The following OBSL1 variants were observed in gnomAD, a reference collection of about 807,000 sequenced individuals.
The protein encoded by OBSL1 is obscurin like cytoskeletal adaptor 1, also known as obscurin-like protein 1.
In OBSL1, 160 loss-of-function variants were observed where a neutral mutation model predicts 172.0. The ratio of observed to expected loss-of-function variants is 0.93; its 90% CI spans 0.82 to 1.06. OBSL1 has a LOEUF of 1.06. OBSL1 is among the 50% of genes least tolerant of loss of function. The pLI, the probability that OBSL1 is intolerant of heterozygous loss-of-function variation, is 0.00. For missense variants in OBSL1, 2,681 were observed against 2,715.4 expected (o/e 0.99, Z 0.28); for synonymous variants, 1,200 against 1,196.3 (o/e 1.00, Z -0.06).
At chr2:219,552,441 C>T in intron 18 of OBSL1, 95 bp downstream of exon 18, 1 of 1,296,050 alleles carries the variant, frequency 7.7e-7, no homozygotes, top group Non-Finnish European at 1.0e-6. Flanking sequence ...CGGGGCCCGT[C>T]GGAGCCAGGG....
At chr2:219,556,328 G>A (rs758182048) in intron 13 of OBSL1, 36 bp from the exon 14 acceptor site, 2 of 1,568,974 alleles carry the variant, frequency 1.3e-6, no homozygotes, top group African/African-American at 2.7e-5. Context: ...AGTCTGGTGG[G>A]GTTGGAGGCT....
Position 219,567,974 on chromosome 2 carries a change from G to T in OBSL1, c.1283-5C>A, listed in dbSNP as rs1697040096. 6.2e-7 allele frequency: 1 copy of T among 1,613,192 alleles called. No individual in the cohort carries two copies. Among genetic ancestry groups the T allele is most frequent in the East Asian group, 2.2e-5 (1 of 44,868 alleles). On this transcript the variant is annotated splice_polypyrimidine_tract_variant and splice_region_variant and intron_variant, in intron 2 of 20. Transcript: ENST00000404537. The stretch of plus-strand genomic sequence containing the variant: ...GCAGGCGCTTCAGGATGGGCCCTGA[G>T]ATGCGGACAGGAATCCATCAACCTG...
chr2:219,556,767 T>C (rs2106028831), intron 12 of OBSL1, 44 bp from the exon 13 acceptor site: 1 of 1,526,038 alleles, frequency 6.6e-7, no homozygotes, highest in Non-Finnish European at 8.8e-7. Context: ...AGTCTTTTCT[T>C]CTCTCTCCTT....
intron 8 of OBSL1, chr2:219,559,762 A>C: frequency 4.2e-6 from 2 of 475,764 alleles, no homozygotes; most frequent in South Asian, 3.7e-5. Flanking sequence ...CTCCCCCTTC[A>C]TCGGTCACGT....
chr2:219,551,504 C>T, intron 20 of OBSL1, 25 bp downstream of exon 20: 6 of 1,552,004 alleles, frequency 3.9e-6, no homozygotes, highest in Non-Finnish European at 5.2e-6. Flanking sequence ...CACCCTCCTG[C>T]CGCTGCCCAG....
chr2:219,557,075 G>A (rs1403839551), intron 12 of OBSL1: 1 of 483,440 alleles, frequency 2.1e-6, no homozygotes, highest in African/African-American at 1.9e-5. Context: ...CTTGGCCAAT[G>A]TCACACAGCT....
At position 219,559,295 on chromosome 2, in the gene OBSL1, C is replaced by G. The variant is rs1252156672; in HGVS notation, c.3156G>C (p.Gln1052His). 1 of 1,613,814 alleles carries G rather than the reference C, an allele frequency of 6.2e-7. No homozygotes were observed. The highest frequency in any genetic ancestry group is 1.3e-5 in the African/African-American group (1 of 74,918). The change falls in exon 9 of 21, where the codon CAG becomes CAC. Residue 1052 changes from glutamine to histidine, a missense_variant. Around this residue, in one of 5 missense-constraint regions of OBSL1, gnomAD observed 1,765 missense variants for 1,748.3 expected, o/e 1.01. Transcript: ENST00000404537. Reference sequence around the variant, plus strand: ...ATACAAACTCGCCCCCGTCCTCGGGCTGAGCAGCAGGTAGCACCAGGCGGC... The same window carrying G: ...ATACAAACTCGCCCCCGTCCTCGGGGTGAGCAGCAGGTAGCACCAGGCGGC... ...PRCRLVLPAA[Q>H]PEDGGEFVCD... is the part of the protein sequence containing the mutation.
chr2:219,552,308 C>A, intron 18 of OBSL1, 92 bp from the exon 19 acceptor site: 1 of 1,237,268 alleles, frequency 8.1e-7, no homozygotes, highest in Non-Finnish European at 1.1e-6. Flanking sequence ...TGGGTCGGTT[C>A]GGACGCCGTT....
chr2:219,552,045 G>T, intron 19 of OBSL1, 67 bp downstream of exon 19: 2 of 1,452,962 alleles, frequency 1.4e-6, no homozygotes, highest in East Asian at 2.4e-5. Flanking sequence ...CCAGCCCCAA[G>T]TCCGTCAGTC....
chr2:219,552,736 G>A (rs1331097869), intron 17 of OBSL1, 39 bp from the exon 18 acceptor site: 17 of 1,514,202 alleles, frequency 1.1e-5, no homozygotes, highest in Middle Eastern at 1.8e-4. Flanking sequence ...GCGGGGCAGA[G>A]GGCAGTTACC....
downstream of OBSL1, chr2:219,550,109 G>T (rs1022048989): frequency 8.5e-6 from 4 of 472,596 alleles, no homozygotes; most frequent in Non-Finnish European, 1.5e-5. Flanking sequence ...TGAGTGTGTT[G>T]CCCGTGTGTC....
chr2:219,567,261 G>C lies in OBSL1; in HGVS notation c.1837+12C>G. 5.1e-6 allele frequency: 8 copies of C among 1,582,244 alleles called. No homozygotes were observed. Among genetic ancestry groups the C allele is most frequent in the Non-Finnish European group, 6.9e-6 (8 of 1,160,278 alleles). On this transcript the variant is annotated intron_variant, in intron 4 of 20. Transcript: ENST00000404537. The stretch of plus-strand genomic sequence containing the variant: ...GGAGAAGTGATGGGTGGGTCTGGCA[G>C]GACCAACTCACCAAGGTGAGCAGAA...
intron 7 of OBSL1, 35 bp from the exon 8 acceptor site, chr2:219,562,709 G>T: frequency 6.6e-7 from 1 of 1,519,346 alleles, no homozygotes. Flanking sequence ...CGGGCATGAG[G>T]GGTGTGCCCT....
rs1248364778 is a variant in OBSL1, at chr2:219,552,104, G to T, written c.5413+8C>A. The T allele has an allele frequency of 6.2e-7, 1 of 1,602,342 alleles. No individual in the cohort carries two copies. The highest frequency in any genetic ancestry group is 1.3e-5 in the African/African-American group (1 of 74,816). On this transcript the variant is annotated splice_region_variant and intron_variant, in intron 19 of 20. Transcript: ENST00000404537. ...ACACTCTCTGTCGCTCCCACCCCAG[G>T]TGCTTACCCTCCACTTCCAGTAGAG...
chr2:219,570,748 T>C lies in OBSL1; in HGVS notation c.485A>G (p.Glu162Gly), dbSNP rs1385390265. 4 of 1,503,886 alleles carry C rather than the reference T, an allele frequency of 2.7e-6. No homozygotes were observed. The African/African-American group carries it at 4.3e-5, about 16-fold the overall frequency. 93.2% of individuals were successfully genotyped at this position (1,503,886 alleles called of 1,614,324 possible). A position where few individuals can be genotyped will look rare whatever the true frequency, so the allele number is the denominator to read the frequency against. ...TTCGTCCAGGGCCATCCCGTCCTTC[T>C]CCCAGTACAGTGTGGGCTCGGGGAG... is the stretch of plus-strand genomic sequence containing the variant. ...GGLPEPTLYW[E>G]KDGMALDEVW... is the part of the protein sequence containing the mutation. The change falls in exon 1 of 21, where the codon GAG becomes GGG. Residue 162 changes from glutamate (E) to glycine (G), a missense_variant. Physicochemically the swap from Glu to Gly is moderately conservative, Grantham distance 98. This residue lies in a region of OBSL1 where 706 missense variants were observed against 695.8 expected (regional missense o/e 1.01). Coordinates refer to ENST00000404537, the MANE Select transcript of OBSL1 (RefSeq NM_015311.3).
chr2:219,561,565 A>G (rs1479194612), intron 8 of OBSL1, among the ~76,000 whole-genome samples: 2 of 152,108 alleles, frequency 1.3e-5, no homozygotes, highest in Non-Finnish European at 2.9e-5. Flanking sequence ...CTTTCCTGCC[A>G]GGCTGTGCAG....
At chr2:219,551,232 A>G in intron 20 of OBSL1, 1 of 1,393,760 alleles carries the variant, frequency 7.2e-7, no homozygotes, top group Non-Finnish European at 9.3e-7. Context: ...ACTGGTAGAA[A>G]CAGGGCTGTT....
chr2:219,558,982 A>C, intron 9 of OBSL1: 1 of 521,264 alleles, frequency 1.9e-6, no homozygotes, highest in South Asian at 3.4e-5. Context: ...CCAAGCACAT[A>C]GTAGTTGCTC....
In OBSL1 at chr2:219,551,650, A is replaced by G. The variant is rs746772509; in HGVS notation, c.5562T>C (p.Tyr1854=). The change falls in exon 20 of 21, where the codon TAT becomes TAC. Residue 1854 remains tyrosine, a synonymous_variant. Coordinates refer to ENST00000404537, the MANE Select transcript of OBSL1 (RefSeq NM_015311.3). The part of the protein sequence containing the change: ...EGAELCPGDK[Y]EMRSHGPTHS... ...GGGTGGGGCCGTGGCTGCGCATCTC[A>G]TACTTATCTCCCGGGCACAGCTCGG... 6.2e-7 allele frequency: 1 copy of G among 1,611,768 alleles called. No individual in the cohort carries two copies. The highest frequency in any genetic ancestry group is 1.3e-5 in the African/African-American group (1 of 74,974).
Sources: allele counts gnomAD v4.1 joint callset (sites outside exome capture counted in the v4.1 genomes callset), GRCh38; gene constraint gnomAD v4.1.1; regional missense constraint gnomAD v4.1.1; transcripts MANE v1.5; gene names NCBI Gene and HGNC (gene_info 2026-07-23, HGNC 2026-07-21).